Variants in HOXB3 observed in about 807,000 individuals in gnomAD.
HOXB3 encodes the protein homeobox B3, also known as homeobox protein Hox-B3.
In HOXB3, 17 loss-of-function variants were observed where a neutral mutation model predicts 29.2. The observed-to-expected ratio is 0.58, with a 90% confidence interval of 0.40 to 0.87. The LOEUF (loss-of-function observed/expected upper bound fraction) is 0.87, where lower values mean the gene tolerates loss of function less well. Ranked by LOEUF, HOXB3 falls within the 40% of genes least tolerant of loss-of-function variation. HOXB3 has a pLI of 0.00. For missense variants in HOXB3, 637 were observed against 616.3 expected (o/e 1.03, Z -0.35); for synonymous variants, 317 against 285.9 (o/e 1.11, Z -1.10).
At chr17:48,569,592 TC>T (rs2069515817) in intron 2 of HOXB3, among the ~76,000 whole-genome samples, 1 of 152,098 alleles carries the variant, frequency 6.6e-6, no homozygotes, top group African/African-American at 2.4e-5. Context: ...GGATTAAGGT[TC>T]CCTCCCCAAC....
chr17:48,569,229 G>A (rs1407293545), intron 2 of HOXB3, among the ~76,000 whole-genome samples: 1 of 151,962 alleles, frequency 6.6e-6, no homozygotes, highest in Non-Finnish European at 1.5e-5. Context: ...AGGGGGAAGG[G>A]GGTCTTTCGA....
intron 1 of HOXB3, chr17:48,578,089 C>T (rs1345722817): frequency 9.0e-6 from 2 of 222,444 alleles, no homozygotes; most frequent in East Asian, 1.3e-4. Flanking sequence ...GGGGTGGTGG[C>T]GGAGGCGGCG....
intron 2 of HOXB3, among the ~76,000 whole-genome samples, chr17:48,570,331 C>G (rs1407794525): frequency 6.6e-6 from 1 of 152,164 alleles, no homozygotes; most frequent in Non-Finnish European, 1.5e-5. Flanking sequence ...CAAACTTGAC[C>G]AGTTACGTGC....
intron 4 of HOXB3, 38 bp downstream of exon 4, chr17:48,551,989 G>T (rs1430121245): frequency 7.9e-6 from 12 of 1,519,090 alleles, no homozygotes; most frequent in South Asian, 1.3e-5. Flanking sequence ...TCCTGGCTCC[G>T]ACAAAAGCTG....
chr17:48,556,368 A>G (rs983954413), intron 2 of HOXB3: 1 of 152,022 alleles, frequency 6.6e-6, no homozygotes, highest in Non-Finnish European at 1.5e-5. Flanking sequence ...CTCATTCGCA[A>G]TTGGAACACC....
chr17:48,579,816 A>AT lies in HOXB3; in HGVS notation c.-424-5803dup, dbSNP rs549572731. ...AAATACTACATATACATATATATAT[A>AT]TTTTTTTCTTCTGGAAAAATAAGAG... is the stretch of plus-strand genomic sequence containing the variant. On this transcript the variant is annotated intron_variant, in intron 1 of 4. Transcript: ENST00000498678. 336 of 457,868 alleles carry AT rather than the reference A, an allele frequency of 7.3e-4. 1 individual carries two copies. The highest frequency in any genetic ancestry group is 2.5e-3 in the African/African-American group (119 of 47,340). The allele number at this position is 457,868 out of a possible 1,614,324, so 28.4% of individuals were successfully genotyped here. A position where few individuals can be genotyped will look rare whatever the true frequency, so the allele number is the denominator to read the frequency against.
intron 1 of HOXB3, chr17:48,578,040 G>C: frequency 8.6e-7 from 1 of 1,168,862 alleles, no homozygotes; most frequent in Non-Finnish European, 1.1e-6. Context: ...GGCGGCGCAG[G>C]AGCCCGAGGG....
Position 48,566,653 on chromosome 17 carries a change from C to T in HOXB3, c.-247+7184G>A, listed in dbSNP as rs541235275. ...AAGAGCAGATCCTTTTCTTTCCCAT[C>T]TTTCAAAGCATGCTGAATTCAGAAG... is the stretch of plus-strand genomic sequence containing the variant. On this transcript the variant is annotated intron_variant, in intron 2 of 4. Transcript: ENST00000498678. Among the ~76,000 whole-genome samples, 4 of 152,298 alleles carry T rather than the reference C, an allele frequency of 2.6e-5. No homozygotes were observed. In the South Asian group the frequency reaches 8.3e-4, roughly 32 times the overall value.
rs1380796306 is a variant in HOXB3 at position 48,573,888 on chromosome 17, C to T, written c.-298G>A. On this transcript the variant is annotated 5_prime_UTR_variant, in exon 2 of 5. Transcript: ENST00000498678. ...CGAACTCTGCAGATCCCATTCATGA[C>T]GAAGGGCTTCTTCCAAACTGAGAGA... 4.3e-6 allele frequency: 3 copies of T among 702,044 alleles called. No homozygotes were observed. The highest frequency in any genetic ancestry group is 3.0e-5 in the South Asian group (2 of 67,516). The allele number at this position is 702,044 out of a possible 1,614,324, so 43.5% of individuals were successfully genotyped here. A position where few individuals can be genotyped will look rare whatever the true frequency, so the allele number is the denominator to read the frequency against.
intron 1 of HOXB3, chr17:48,577,014 G>T (rs1447255807): frequency 6.2e-7 from 1 of 1,601,258 alleles, no homozygotes. Flanking sequence ...GGCGTAATTG[G>T]GGTTTACTGG....
chr17:48,561,673 T>C (rs976713849), intron 2 of HOXB3, among the ~76,000 whole-genome samples: 1 of 152,190 alleles, frequency 6.6e-6, no homozygotes, highest in African/African-American at 2.4e-5. Flanking sequence ...ACTCTTGCCA[T>C]TGTTACAGAT....
intron 1 of HOXB3, chr17:48,576,855 A>T: frequency 6.2e-7 from 1 of 1,614,210 alleles, no homozygotes; most frequent in Non-Finnish European, 8.5e-7. Flanking sequence ...CTGGAACCAG[A>T]TCTTGATCTG....
rs2068660785 is a variant in HOXB3 at position 48,550,205 on chromosome 17, G to A, written c.*129C>T. The stretch of plus-strand genomic sequence containing the variant: ...CCAGGGGGAAGGGAAGGAGCTCCAG[G>A]CCGGTTCTGACCAGGAAGCCTGGGT... On this transcript the variant is annotated 3_prime_UTR_variant, in exon 5 of 5. Transcript: ENST00000498678. The A allele has an allele frequency of 2.4e-6, 3 of 1,256,468 alleles. No homozygotes were observed. Among genetic ancestry groups the A allele is most frequent in the Non-Finnish European group, 3.3e-6 (3 of 911,668 alleles). 77.8% of individuals were successfully genotyped at this position (1,256,468 alleles called of 1,614,324 possible). A position where few individuals can be genotyped will look rare whatever the true frequency, so the allele number is the denominator to read the frequency against.
At position 48,554,301 on chromosome 17, in the gene HOXB3, T is replaced by C. The variant is rs2068874397; in HGVS notation, c.-159+1230A>G. On this transcript the variant is annotated intron_variant, in intron 3 of 4. Coordinates refer to ENST00000498678, the MANE Select transcript of HOXB3 (RefSeq NM_001384749.1). The surrounding 1 kb of genome is among the most constrained non-coding windows in gnomAD (Gnocchi z 4.1). ...TGGAGGGGGTTGGCTGGCTAGGCCC[T>C]GGCTTTATTTAGTCTGATTGTTACA... is the stretch of plus-strand genomic sequence containing the variant. 1 of 269,472 alleles carries C rather than the reference T, an allele frequency of 3.7e-6. No homozygotes were observed. Among genetic ancestry groups the C allele is most frequent in the South Asian group, 5.7e-5 (1 of 17,480 alleles). 16.7% of individuals were successfully genotyped at this position (269,472 alleles called of 1,614,324 possible).
At chr17:48,576,924 C>G in intron 1 of HOXB3, 1 of 1,614,238 alleles carries the variant, frequency 6.2e-7, no homozygotes, top group Non-Finnish European at 8.5e-7. Context: ...TGTCAGGTAG[C>G]GGTTGTAGTG....
Position 48,550,481 on chromosome 17 carries a change from G to A in HOXB3, c.1149C>T (p.Asn383=). Residue 383 remains asparagine (N), a synonymous_variant, in exon 5 of 5, where the codon AAC becomes AAT. Coordinates refer to ENST00000498678, the MANE Select transcript of HOXB3 (RefSeq NM_001384749.1). ...LNHLSHHPSG[N]LDYNGAPPMA... ...TAGGGGGCGCCCCGTTGTAGTCCAG[G>A]TTCCCGGAAGGGTGATGGGAAAGGT... 4 of 1,609,266 alleles carry A rather than the reference G, an allele frequency of 2.5e-6. No homozygotes were observed. The highest frequency in any genetic ancestry group is 2.5e-6 in the Non-Finnish European group (3 of 1,178,896).
chr17:48,580,089 G>C (rs531387097), intron 1 of HOXB3: 6 of 361,416 alleles, frequency 1.7e-5, no homozygotes, highest in Non-Finnish European at 2.2e-5. Context: ...TCTGTTCTTG[G>C]GATTACAAGG....
chr17:48,578,599 C>G lies in HOXB3; in HGVS notation c.-424-4585G>C, dbSNP rs2069851170. 6 of 378,960 alleles carry G rather than the reference C, an allele frequency of 1.6e-5. No individual in the cohort carries two copies. The South Asian group carries it at 1.6e-4, about 10-fold the overall frequency. The allele number at this position is 378,960 out of a possible 1,614,324, so 23.5% of individuals were successfully genotyped here. A position where few individuals can be genotyped will look rare whatever the true frequency, so the allele number is the denominator to read the frequency against. ...TTACATAGGGCTCCTGCGGGGCGAC[C>G]CCCTCCTTGCCTCGCTCTCTCCGGG... On this transcript the variant is annotated intron_variant, in intron 1 of 4. Transcript: ENST00000498678.
At chr17:48,555,510 G>A in intron 3 of HOXB3, 21 bp downstream of exon 3, 1 of 702,690 alleles carries the variant, frequency 1.4e-6, no homozygotes, top group Non-Finnish European at 2.6e-6. Context: ...CAAACTGATA[G>A]CCTATTTCAG....
Sources: allele counts gnomAD v4.1 joint callset (sites outside exome capture counted in the v4.1 genomes callset), GRCh38; gene constraint gnomAD v4.1.1; non-coding constraint Gnocchi (gnomAD v3.1); transcripts MANE v1.5; gene names NCBI Gene and HGNC (gene_info 2026-07-23, HGNC 2026-07-21).